DAB1: variants seen among roughly 807,000 people sequenced by gnomAD.
DAB1 encodes the protein disabled homolog 1.
A neutral mutation model predicts 64.6 loss-of-function variants in DAB1; 15 were observed. The observed-to-expected ratio is 0.23, with a 90% confidence interval of 0.16 to 0.36. DAB1 has a LOEUF of 0.36. Among genes scored for constraint, DAB1 ranks in the 10% least tolerant of loss-of-function variants. The pLI, the probability that DAB1 is intolerant of heterozygous loss-of-function variation, is 1.00. For missense variants in DAB1, 596 were observed against 706.7 expected, an observed-to-expected ratio of 0.84 and a Z score of 1.78; for synonymous variants, 235 against 251.9, an observed-to-expected ratio of 0.93 and a Z score of 0.64.
intron 5 of DAB1, among the ~76,000 whole-genome samples, chr1:58,051,545 C>A (rs186978240): frequency 2.6e-5 from 4 of 152,234 alleles, no homozygotes; most frequent in African/African-American, 9.6e-5. Context: ...TGATTTATAA[C>A]CCTTTGGGTA....
chr1:57,251,336 T>A (rs1669322046), intron 2 of DAB1, among the ~76,000 whole-genome samples: 1 of 152,240 alleles, frequency 6.6e-6, no homozygotes, highest in Non-Finnish European at 1.5e-5. Flanking sequence ...GCCTTGATAT[T>A]ACTGTTAATC....
intron 2 of DAB1, among the ~76,000 whole-genome samples, chr1:57,245,899 G>A (rs888207825): frequency 3.3e-5 from 5 of 152,118 alleles, no homozygotes; most frequent in African/African-American, 1.2e-4. Flanking sequence ...ACTCTCTGGT[G>A]GGAGAAATTT....
intron 6 of DAB1, among the ~76,000 whole-genome samples, chr1:57,715,551 C>T (rs1570762549): frequency 6.6e-6 from 1 of 152,140 alleles, no homozygotes; most frequent in African/African-American, 2.4e-5. Flanking sequence ...ACTCTGAAGA[C>T]TCCACCAAAA....
intron 5 of DAB1, among the ~76,000 whole-genome samples, chr1:58,113,035 T>C (rs932595708): frequency 2.8e-4 from 42 of 152,270 alleles, no homozygotes; most frequent in African/African-American, 9.4e-4. Flanking sequence ...AAGACACATA[T>C]GTTTTCTGTC....
chr1:57,619,753 T>C (rs1000583697), intron 7 of DAB1, among the ~76,000 whole-genome samples: 3 of 152,106 alleles, frequency 2.0e-5, no homozygotes, highest in Non-Finnish European at 4.4e-5. Flanking sequence ...AAGAGTGTCC[T>C]ATGAAATATT....
chr1:58,138,210 G>A (rs1382966731), intron 5 of DAB1, among the ~76,000 whole-genome samples: 2 of 152,048 alleles, frequency 1.3e-5, no homozygotes, highest in Non-Finnish European at 2.9e-5. Flanking sequence ...TTCACTTCAT[G>A]GGCACAGAAA....
At chr1:57,422,320 C>T (rs4912164) in intron 1 of DAB1, among the ~76,000 whole-genome samples, 31,824 of 152,162 alleles carry the variant, frequency 0.21, 3,597 homozygotes, top group African/African-American at 0.28. Flanking sequence ...CCCCGGTCCC[C>T]GCCGGCTGGC....
At chr1:57,858,323 T>G (rs936088634) in intron 1 of DAB1, among the ~76,000 whole-genome samples, 2 of 152,190 alleles carry the variant, frequency 1.3e-5, no homozygotes, top group African/African-American at 2.4e-5. Context: ...GGTTAAAGAA[T>G]GTCCATTACC....
At chr1:58,260,182 T>A (rs971244065) in intron 4 of DAB1, among the ~76,000 whole-genome samples, 10 of 152,140 alleles carry the variant, frequency 6.6e-5, no homozygotes, top group Non-Finnish European at 1.5e-4. Flanking sequence ...CTCAGGCAAG[T>A]CACTAATCAT....
At chr1:58,107,660 A>C (rs1284059973) in intron 5 of DAB1, among the ~76,000 whole-genome samples, 7 of 151,782 alleles carry the variant, frequency 4.6e-5, no homozygotes, top group Non-Finnish European at 8.8e-5. Flanking sequence ...CTTGTCACCC[A>C]TGCTGAAGTG....
chr1:57,501,673 G>T (rs1036247134), intron 7 of DAB1, among the ~76,000 whole-genome samples: 1 of 152,158 alleles, frequency 6.6e-6, no homozygotes. Context: ...ATAAGGCTTC[G>T]TAAAAGCAGT....
intron 6 of DAB1, among the ~76,000 whole-genome samples, chr1:57,764,077 G>A (rs769036608): frequency 1.2e-4 from 18 of 152,084 alleles, no homozygotes; most frequent in African/African-American, 2.7e-4. Context: ...CAGAGAATAC[G>A]AAGTTAATTA....
chr1:57,140,977 C>T (rs1658535559), intron 3 of DAB1, among the ~76,000 whole-genome samples: 1 of 152,158 alleles, frequency 6.6e-6, no homozygotes, highest in Non-Finnish European at 1.5e-5. Flanking sequence ...CAGCACAGTA[C>T]ATGCACCCAA....
chr1:57,918,413 A>G (rs1363195610), intron 5 of DAB1, among the ~76,000 whole-genome samples: 2 of 152,136 alleles, frequency 1.3e-5, no homozygotes, highest in East Asian at 3.9e-4. Flanking sequence ...GCAAAATGGA[A>G]GTGGACACTT....
Position 57,934,063 on chromosome 1 carries a change from T to TTGTGTGTGTGTGTGTGTGTG in DAB1, n.388-49921_388-49902dup, listed in dbSNP as rs55848780. 8.4e-4 allele frequency among the ~76,000 whole-genome samples: 108 copies of TTGTGTGTGTGTGTGTGTGTG among 128,084 alleles called. 1 individual carries two copies. Among genetic ancestry groups the TTGTGTGTGTGTGTGTGTGTG allele is most frequent in the African/African-American group, 2.4e-3 (79 of 33,134 alleles). 84.0% of individuals were successfully genotyped at this position (128,084 alleles called of 152,430 possible). On this transcript the variant is annotated intron_variant and non_coding_transcript_variant, in intron 5 of 20. Transcript: ENST00000485760. ...GGCGTCCGCCACCAAGCCCAGCTAATTGTGTGTGTGTGTGTGTGTGTGTGT... is the reference window on the plus strand; with the variant it reads ...GGCGTCCGCCACCAAGCCCAGCTAATTGTGTGTGTGTGTGTGTGTGTGTGTGTGTGTGTGTGTGTGTGTGT...
At chr1:58,454,408 G>A (rs148209952) in intron 3 of DAB1, among the ~76,000 whole-genome samples, 101 of 152,288 alleles carry the variant, frequency 6.6e-4, no homozygotes, top group African/African-American at 2.4e-3. Context: ...CCCTGGGTGG[G>A]TGAGGTCAGG....
At chr1:58,245,554 A>G (rs1237576008) in intron 4 of DAB1, among the ~76,000 whole-genome samples, 2 of 152,154 alleles carry the variant, frequency 1.3e-5, no homozygotes, top group Admixed American at 6.5e-5. Flanking sequence ...GTGCTCACAG[A>G]TCCACTAATA....
At chr1:57,111,389 C>G (rs1655640859) in intron 4 of DAB1, among the ~76,000 whole-genome samples, 1 of 152,182 alleles carries the variant, frequency 6.6e-6, no homozygotes, top group Non-Finnish European at 1.5e-5. Context: ...TGTCATGACA[C>G]AGTCCAGACA....
At chr1:58,539,879 G>A (rs61781822) in intron 1 of DAB1, among the ~76,000 whole-genome samples, 20,482 of 152,098 alleles carry the variant, frequency 0.13, 1,523 homozygotes, top group African/African-American at 0.19. Context: ...GGGAGGTCAA[G>A]TAAACCAAGG....
Sources: gnomAD v4.1 joint callset for allele counts (sites outside exome capture counted in the v4.1 genomes callset) on GRCh38, gnomAD v4.1.1 for gene constraint, MANE v1.5 for transcripts, NCBI Gene and HGNC (gene_info 2026-07-23, HGNC 2026-07-21) for gene names.